The following MAN2B2 variants were observed in gnomAD, a reference collection of about 807,000 sequenced individuals.
MAN2B2 encodes the protein mannosidase alpha class 2B member 2.
A neutral mutation model predicts 117.1 loss-of-function variants in MAN2B2; 106 were observed. The observed-to-expected ratio is 0.90, with a 90% confidence interval of 0.77 to 1.06. The LOEUF (loss-of-function observed/expected upper bound fraction) is 1.06. Among genes scored for constraint, MAN2B2 ranks in the 50% least tolerant of loss-of-function variants. MAN2B2 has a pLI of 0.00. For missense variants in MAN2B2, 1,326 were observed against 1,381.4 expected (o/e 0.96, Z 0.64); for synonymous variants, 544 against 595.1 (o/e 0.91, Z 1.25).
rs142931797 is a variant in MAN2B2, at chr4:6,595,254, CA to C, written c.1057+524del. On this transcript the variant is annotated intron_variant, in intron 7 of 18. Coordinates refer to ENST00000285599, the MANE Select transcript of MAN2B2 (RefSeq NM_015274.3). ...TAAGCCTCTACTCGCTGCCTGTGTG[CA>C]AGTCATGAAACCACCCTGTCTCCAA... is the stretch of plus-strand genomic sequence containing the variant. Among the ~76,000 whole-genome samples, 126 of 152,340 alleles carry C rather than the reference CA, an allele frequency of 8.3e-4. 1 individual carries two copies. The highest frequency in any genetic ancestry group is 2.9e-3 in the African/African-American group (119 of 41,574).
Position 6,621,930 on chromosome 4 carries a change from A to T in MAN2B2, c.*645A>T, listed in dbSNP as rs1328058928. Reference sequence around the variant, plus strand: ...AATATCAGAACTATTAATATCAATAAAAGTATAACCTTCCCAGGTCTATGC... The same window carrying T: ...AATATCAGAACTATTAATATCAATATAAGTATAACCTTCCCAGGTCTATGC... On this transcript the variant is annotated 3_prime_UTR_variant, in exon 19 of 19. Coordinates refer to ENST00000285599, the MANE Select transcript of MAN2B2 (RefSeq NM_015274.3). 6.6e-6 allele frequency: 1 copy of T among 152,310 alleles called. No homozygotes were observed. Among genetic ancestry groups the T allele is most frequent in the Admixed American group, 6.5e-5 (1 of 15,290 alleles). 9.4% of individuals were successfully genotyped at this position (152,310 alleles called of 1,614,324 possible).
At chr4:6,579,334 CCACCACCAT>C (rs1726311733) in intron 3 of MAN2B2, among the ~76,000 whole-genome samples, 4 of 102,044 alleles carry the variant, frequency 3.9e-5, no homozygotes, top group Non-Finnish European at 8.5e-5. Flanking sequence ...ACCACCACCA[CCACCACCAT>C]CACCATCACC....
intron 1 of MAN2B2, among the ~76,000 whole-genome samples, chr4:6,575,709 G>A (rs1726030772): frequency 1.3e-5 from 2 of 152,194 alleles, no homozygotes. Context: ...GAAGGGGCCG[G>A]GCTGGTCCCC....
At chr4:6,620,194 A>C (rs1210528159) in intron 18 of MAN2B2, 150 bp downstream of exon 18, 7 of 634,642 alleles carry the variant, frequency 1.1e-5, no homozygotes, top group Middle Eastern at 4.3e-4. Flanking sequence ...AGCCCTCCCA[A>C]ATCTACTACA....
chr4:6,613,012 GC>G (rs2108756993), intron 15 of MAN2B2, among the ~76,000 whole-genome samples: 1 of 152,324 alleles, frequency 6.6e-6, no homozygotes, highest in South Asian at 2.1e-4. Flanking sequence ...CAGCTCTGGG[GC>G]TGCTCTCAAA....
chr4:6,621,357 GA>G lies in MAN2B2; in HGVS notation c.*76del. The stretch of plus-strand genomic sequence containing the variant: ...TGTAACAGAACAGACCCAGGACAGG[GA>G]AAAGCAGTGCGGAGGGATGGGACTG... On this transcript the variant is annotated 3_prime_UTR_variant, in exon 19 of 19. Transcript: ENST00000285599. 1 of 1,306,238 alleles carries G rather than the reference GA, an allele frequency of 7.7e-7. No individual in the cohort carries two copies. The highest frequency in any genetic ancestry group is 1.1e-6 in the Non-Finnish European group (1 of 920,970). The allele number at this position is 1,306,238 out of a possible 1,614,324, so 80.9% of individuals were successfully genotyped here. A position where few individuals can be genotyped will look rare whatever the true frequency, so the allele number is the denominator to read the frequency against.
At chr4:6,581,372 A>G (rs1057134012) in intron 3 of MAN2B2, among the ~76,000 whole-genome samples, 1 of 152,186 alleles carries the variant, frequency 6.6e-6, no homozygotes. Context: ...AAACTGAGGT[A>G]CTGAGAGATG....
chr4:6,609,120 A>G lies in MAN2B2; in HGVS notation c.1828A>G (p.Thr610Ala), dbSNP rs1405189829. 1 of 1,613,786 alleles carries G rather than the reference A, an allele frequency of 6.2e-7. No individual in the cohort carries two copies. Among genetic ancestry groups the G allele is most frequent in the Non-Finnish European group, 8.5e-7 (1 of 1,179,888 alleles). Residue 610 changes from threonine to alanine, a missense_variant, in exon 12 of 19, where the codon ACG becomes GCG. Physicochemically the swap from Thr to Ala is moderately conservative, Grantham distance 58. Transcript: ENST00000285599. ...CTGCCTCTGCAGACAGAGTAACCGAACGGTGCGCGTGACCCAGGAATTCCT... is the reference window on the plus strand; with the variant it reads ...CTGCCTCTGCAGACAGAGTAACCGAGCGGTGCGCGTGACCCAGGAATTCCT... Reference protein sequence around the residue: ...HSIWERQSNRTVRVTQEFLEY... With the variant: ...HSIWERQSNRAVRVTQEFLEY...
chr4:6,601,981 G>A (rs1168636441), intron 10 of MAN2B2, among the ~76,000 whole-genome samples: 1 of 152,220 alleles, frequency 6.6e-6, no homozygotes, highest in Admixed American at 6.5e-5. Flanking sequence ...CCAGCGGACT[G>A]ATACTGGGCT....
At chr4:6,586,180 C>G (rs1577275656) in intron 3 of MAN2B2, among the ~76,000 whole-genome samples, 1 of 152,204 alleles carries the variant, frequency 6.6e-6, no homozygotes, top group African/African-American at 2.4e-5. Flanking sequence ...TCCCAAGTAC[C>G]TGGGACTACA....
At chr4:6,579,361 TCACCATCAC>T (rs1726318560) in intron 3 of MAN2B2, among the ~76,000 whole-genome samples, 1 of 37,950 alleles carries the variant, frequency 2.6e-5, no homozygotes, top group African/African-American at 1.0e-4. Context: ...ACCACCACCA[TCACCATCAC>T]CACCACCACC....
intron 9 of MAN2B2, among the ~76,000 whole-genome samples, chr4:6,599,616 T>C (rs568330752): frequency 2.5e-3 from 348 of 141,724 alleles, no homozygotes; most frequent in Non-Finnish European, 3.6e-3. Context: ...TGAGCCGAGA[T>C]CGCACCACTG....
chr4:6,610,836 G>A (rs778658616), intron 13 of MAN2B2, 44 bp from the exon 14 acceptor site: 10 of 1,563,752 alleles, frequency 6.4e-6, no homozygotes, highest in South Asian at 2.2e-5. Flanking sequence ...GACCTACCTT[G>A]CCCTTTGCCC....
In MAN2B2 at chr4:6,621,442, C is replaced by T; in HGVS notation, c.*157C>T. ...GGAAATGGTCATATTTGGGGTTTTT[C>T]CCTAATTTTTTTAAACAAAAATTAC... On this transcript the variant is annotated 3_prime_UTR_variant, in exon 19 of 19. Transcript: ENST00000285599. The T allele has an allele frequency of 1.7e-6, 1 of 603,042 alleles. No individual in the cohort carries two copies. The allele number at this position is 603,042 out of a possible 1,614,324, so 37.4% of individuals were successfully genotyped here. A position where few individuals can be genotyped will look rare whatever the true frequency, so the allele number is the denominator to read the frequency against.
At chr4:6,588,670 G>A (rs776961430) in intron 4 of MAN2B2, among the ~76,000 whole-genome samples, 8 of 152,240 alleles carry the variant, frequency 5.3e-5, no homozygotes, top group Admixed American at 3.3e-4. Context: ...AGCTGAGATC[G>A]TGACACTGCA....
chr4:6,591,114 C>T (rs1056046728), intron 5 of MAN2B2, among the ~76,000 whole-genome samples: 3 of 152,070 alleles, frequency 2.0e-5, no homozygotes, highest in African/African-American at 7.2e-5. Flanking sequence ...TGACTGCACT[C>T]CAGCCTGGGT....
At chr4:6,576,448 G>A (rs1388252183) in intron 1 of MAN2B2, 130 bp from the exon 2 acceptor site, 1 of 1,059,754 alleles carries the variant, frequency 9.4e-7, no homozygotes, top group Non-Finnish European at 1.4e-6. Context: ...ATAGCTGTGT[G>A]GGGGGTGAGC....
chr4:6,583,070 C>T (rs1272073886), intron 3 of MAN2B2, among the ~76,000 whole-genome samples: 1 of 152,200 alleles, frequency 6.6e-6, no homozygotes, highest in Non-Finnish European at 1.5e-5. Flanking sequence ...TCTTGATGTT[C>T]AGCCATCCCC....
chr4:6,579,340 C>T (rs1156366573), intron 3 of MAN2B2, among the ~76,000 whole-genome samples: 22 of 80,594 alleles, frequency 2.7e-4, no homozygotes, highest in Middle Eastern at 7.4e-3. Flanking sequence ...ACCACCACCA[C>T]CATCACCATC....
Sources: gnomAD v4.1 joint callset for allele counts (sites outside exome capture counted in the v4.1 genomes callset) on GRCh38, gnomAD v4.1.1 for gene constraint, MANE v1.5 for transcripts, NCBI Gene and HGNC (gene_info 2026-07-23, HGNC 2026-07-21) for gene names.